ARHGAP28: variants seen among roughly 807,000 people sequenced by gnomAD.
ARHGAP28 encodes the protein Rho GTPase activating protein 28, also known as rho GTPase-activating protein 28.
Under a neutral mutation model 90.7 loss-of-function variants are expected in ARHGAP28, and 56 were observed. That is an observed-to-expected ratio of 0.62 (90% confidence interval 0.50 to 0.77). ARHGAP28 has a LOEUF of 0.77. ARHGAP28 is among the 30% of genes least tolerant of loss of function. ARHGAP28 has a pLI of 0.00. For synonymous variants in ARHGAP28, 308 were observed against 323.3 expected (o/e 0.95, Z 0.51); for missense variants, 869 against 900.9 (o/e 0.96, Z 0.45).
intron 4 of ARHGAP28, among the ~76,000 whole-genome samples, chr18:6,855,368 A>T (rs2056944663): frequency 6.6e-6 from 1 of 152,134 alleles, no homozygotes; most frequent in Admixed American, 6.5e-5. Flanking sequence ...AAACCCCTGG[A>T]TTCAGCCAGT....
At chr18:6,774,915 C>CT (rs1412197555) in intron 1 of ARHGAP28, among the ~76,000 whole-genome samples, 1 of 152,198 alleles carries the variant, frequency 6.6e-6, no homozygotes, top group East Asian at 1.9e-4. Flanking sequence ...TCCGTGGCCT[C>CT]TGTCTACCCC....
intron 2 of ARHGAP28, among the ~76,000 whole-genome samples, chr18:6,832,488 G>T (rs2056723728): frequency 6.6e-6 from 1 of 151,974 alleles, no homozygotes. Flanking sequence ...AGTACTGAGA[G>T]AAGTTGTTAA....
chr18:6,756,115 G>T (rs1375224142), intron 1 of ARHGAP28, among the ~76,000 whole-genome samples: 4 of 152,160 alleles, frequency 2.6e-5, no homozygotes. Context: ...CCTCCCTGGG[G>T]ATAGTAATAG....
chr18:6,786,503 A>G (rs2056365743), intron 1 of ARHGAP28, among the ~76,000 whole-genome samples: 2 of 152,170 alleles, frequency 1.3e-5, no homozygotes, highest in Non-Finnish European at 2.9e-5. Context: ...CTCTTCTCCC[A>G]GCATTCGGGC....
rs146956828 is a variant in ARHGAP28 at position 6,741,523 on chromosome 18, C to T, written c.122+11580C>T. On this transcript the variant is annotated intron_variant, in intron 1 of 17. Transcript: ENST00000383472. ...CCACACCAGCTAAAATAACATGAGT[C>T]ATTGCTTATAAGAAGCCCAAGTGAA... Among the ~76,000 whole-genome samples, 335 of 152,256 alleles carry T rather than the reference C, an allele frequency of 2.2e-3. 3 individuals are homozygous for T. The Middle Eastern group carries it at 0.027, about 12-fold the overall frequency.
chr18:6,736,597 A>G (rs117864058), intron 1 of ARHGAP28, among the ~76,000 whole-genome samples: 4,084 of 151,624 alleles, frequency 0.027, 82 homozygotes, highest in Non-Finnish European at 0.041. Context: ...AAAATACAAA[A>G]TTAGTCGAGC....
chr18:6,912,493 GTTC>G lies in ARHGAP28; in HGVS notation c.*342_*344del, dbSNP rs2057404652. 1 of 162,484 alleles carries G rather than the reference GTTC, an allele frequency of 6.2e-6. No homozygotes were observed. The highest frequency in any genetic ancestry group is 1.3e-5 in the Non-Finnish European group (1 of 75,038). The allele number at this position is 162,484 out of a possible 1,614,324, so 10.1% of individuals were successfully genotyped here. On this transcript the variant is annotated 3_prime_UTR_variant, in exon 18 of 18. Coordinates refer to ENST00000383472, the MANE Select transcript of ARHGAP28 (RefSeq NM_001366230.1). ...GGCCCTAGACCTAGGGATAAGCAAT[GTTC>G]TTTATGTAGCCAATGCTACGAAACA...
intron 3 of ARHGAP28, 109 bp downstream of exon 3, chr18:6,837,523 A>G: frequency 2.4e-6 from 2 of 829,882 alleles, no homozygotes; most frequent in Admixed American, 2.7e-5. Context: ...GGGTGGTTCC[A>G]TTCTAACTTT....
intron 11 of ARHGAP28, 99 bp from the exon 12 acceptor site, chr18:6,887,058 T>A: frequency 3.8e-6 from 4 of 1,048,584 alleles, no homozygotes; most frequent in Non-Finnish European, 5.8e-6. Flanking sequence ...CACCAAAAGC[T>A]GTCAGGAGCC....
intron 1 of ARHGAP28, among the ~76,000 whole-genome samples, chr18:6,751,206 T>A (rs1217553571): frequency 1.3e-5 from 2 of 152,136 alleles, no homozygotes; most frequent in African/African-American, 2.4e-5. Context: ...GACAATTTTT[T>A]AAATTTTTCA....
At chr18:6,747,998 T>C (rs2143233066) in intron 1 of ARHGAP28, among the ~76,000 whole-genome samples, 1 of 152,304 alleles carries the variant, frequency 6.6e-6, no homozygotes, top group South Asian at 2.1e-4. Flanking sequence ...TTAGTAATTA[T>C]GTGAATGCAA....
intron 3 of ARHGAP28, among the ~76,000 whole-genome samples, chr18:6,849,392 GTGGCAGGCAC>G (rs1473043719): frequency 5.3e-5 from 8 of 152,140 alleles, no homozygotes; most frequent in African/African-American, 1.9e-4. Flanking sequence ...ATGGAATGAG[GTGGCAGGCAC>G]TGTCCTGTCC....
intron 1 of ARHGAP28, among the ~76,000 whole-genome samples, chr18:6,810,534 A>C (rs941661243): frequency 1.3e-5 from 2 of 151,974 alleles, no homozygotes; most frequent in African/African-American, 4.8e-5. Context: ...GATTCAAGCA[A>C]TCAGCCCCCC....
At chr18:6,841,160 T>TCTCTCTC (rs1415773603) in intron 3 of ARHGAP28, among the ~76,000 whole-genome samples, 1 of 71,030 alleles carries the variant, frequency 1.4e-5, no homozygotes, top group Non-Finnish European at 3.5e-5. Flanking sequence ...CTCCTCTTTC[T>TCTCTCTC]CTCTCTCCTC....
intron 1 of ARHGAP28, among the ~76,000 whole-genome samples, chr18:6,773,270 A>G (rs16950575): frequency 0.029 from 4,455 of 152,242 alleles, 196 homozygotes; most frequent in African/African-American, 0.095. Flanking sequence ...CTAGGTGCCA[A>G]TGAGGAAGTC....
intron 16 of ARHGAP28, chr18:6,898,531 A>G (rs1325694429): frequency 3.1e-6 from 5 of 1,614,144 alleles, no homozygotes; most frequent in East Asian, 2.2e-5. Context: ...AGGAGCCCCA[A>G]ACATGTATTC....
chr18:6,841,188 T>A (rs1368924871), intron 3 of ARHGAP28, among the ~76,000 whole-genome samples: 1 of 60,510 alleles, frequency 1.7e-5, no homozygotes, highest in Non-Finnish European at 3.1e-5. Context: ...CTCCTCTCTC[T>A]CTCTCTCTCT....
At chr18:6,818,023 A>G (rs1472387649) in intron 1 of ARHGAP28, among the ~76,000 whole-genome samples, 1 of 152,212 alleles carries the variant, frequency 6.6e-6, no homozygotes, top group Non-Finnish European at 1.5e-5. Flanking sequence ...AGCTCTGGAC[A>G]TGCTATCAAA....
chr18:6,854,426 C>T (rs1330159978), intron 4 of ARHGAP28, among the ~76,000 whole-genome samples: 2 of 152,116 alleles, frequency 1.3e-5, no homozygotes, highest in Non-Finnish European at 2.9e-5. Context: ...CTGGTCAGCA[C>T]GTAGTGGGTC....
Sources: gnomAD v4.1 joint callset for allele counts (sites outside exome capture counted in the v4.1 genomes callset) on GRCh38, gnomAD v4.1.1 for gene constraint, MANE v1.5 for transcripts, NCBI Gene and HGNC (gene_info 2026-07-23, HGNC 2026-07-21) for gene names.